Variants in XIRP2 observed in about 807,000 individuals in gnomAD.
XIRP2 encodes the protein xin actin binding repeat containing 2.
Under a neutral mutation model 277.0 loss-of-function variants are expected in XIRP2, and 236 were observed. That is an observed-to-expected ratio of 0.85 (90% confidence interval 0.77 to 0.95). XIRP2 has a LOEUF of 0.95. Ranked by LOEUF, XIRP2 falls within the 40% of genes least tolerant of loss-of-function variation. The pLI, the probability that XIRP2 is intolerant of heterozygous loss-of-function variation, is 0.00. For synonymous variants in XIRP2, 1,490 were observed against 1,416.5 expected, an observed-to-expected ratio of 1.05 and a Z score of -1.17; for missense variants, 4,640 against 4,157.5, an observed-to-expected ratio of 1.12 and a Z score of -3.19.
chr2:166,930,925 T>A (rs1685318020), intron 2 of XIRP2, among the ~76,000 whole-genome samples: 1 of 152,142 alleles, frequency 6.6e-6, no homozygotes, highest in South Asian at 2.1e-4. Flanking sequence ...GGACCTCAAT[T>A]TCCTTAGTTT....
At chr2:166,969,866 A>AT (rs1477391785) in intron 2 of XIRP2, among the ~76,000 whole-genome samples, 1 of 151,994 alleles carries the variant, frequency 6.6e-6, no homozygotes, top group Non-Finnish European at 1.5e-5. Flanking sequence ...CTCCCCCTGT[A>AT]TCCTTAAAAC....
intron 2 of XIRP2, among the ~76,000 whole-genome samples, chr2:166,950,137 T>C (rs1685989117): frequency 6.6e-6 from 1 of 152,052 alleles, no homozygotes; most frequent in Non-Finnish European, 1.5e-5. Flanking sequence ...AAGATATTAC[T>C]CTACACTGAA....
intron 2 of XIRP2, among the ~76,000 whole-genome samples, chr2:167,022,670 A>G (rs1291816755): frequency 1.3e-5 from 2 of 151,810 alleles, no homozygotes; most frequent in Non-Finnish European, 2.9e-5. Flanking sequence ...TCATTGTTCA[A>G]TTCCCACCTA....
At position 167,258,928 on chromosome 2, in the gene XIRP2, G is replaced by A. The variant is rs1203620802; in HGVS notation, c.*1111G>A. On this transcript the variant is annotated 3_prime_UTR_variant, in exon 11 of 11. Transcript: ENST00000409195. ...GAGCAGCTGCTGGCAGTCCTGTGCA[G>A]CCTGCTCCAAAACCAAGCCTCAGCA... is the stretch of plus-strand genomic sequence containing the variant. The A allele has an allele frequency of 6.2e-7, 1 of 1,613,008 alleles. No homozygotes were observed. Among genetic ancestry groups the A allele is most frequent in the African/African-American group, 1.3e-5 (1 of 74,846 alleles).
intron 2 of XIRP2, among the ~76,000 whole-genome samples, chr2:167,030,632 A>G (rs946860927): frequency 6.6e-6 from 1 of 152,116 alleles, no homozygotes; most frequent in South Asian, 2.1e-4. Flanking sequence ...ACTTTGACTT[A>G]TGTGATCAAT....
rs535581425 is a variant in XIRP2 at position 167,249,154 on chromosome 2, C to T, written c.7762C>T (p.Pro2588Ser). The T allele has an allele frequency of 3.1e-6, 5 of 1,613,572 alleles. No homozygotes were observed. The Admixed American group carries it at 6.7e-5, about 22-fold the overall frequency. ...QHITEVEKEM[P>S]LQKTNEEVSL... ...CATAACAGAGGTGGAAAAGGAAATG[C>T]CATTACAAAAAACCAATGAGGAGGT... The change falls in exon 9 of 11, where the codon CCA (proline) becomes TCA (serine). Residue 2588 changes from proline (P) to serine (S), a missense_variant. Coordinates refer to ENST00000409195, the MANE Select transcript of XIRP2 (RefSeq NM_152381.6).
intron 2 of XIRP2, among the ~76,000 whole-genome samples, chr2:167,068,560 C>T (rs942882601): frequency 6.6e-6 from 1 of 151,896 alleles, no homozygotes; most frequent in Non-Finnish European, 1.5e-5. Flanking sequence ...ATAGTAAATA[C>T]CTTAGGCTTT....
chr2:167,200,474 G>A (rs1693650814), intron 3 of XIRP2, among the ~76,000 whole-genome samples: 1 of 152,212 alleles, frequency 6.6e-6, no homozygotes, highest in African/African-American at 2.4e-5. Flanking sequence ...TGTCTCTACA[G>A]TGTAACGTGC....
intron 3 of XIRP2, among the ~76,000 whole-genome samples, chr2:167,156,914 C>T (rs1692219796): frequency 6.6e-6 from 1 of 152,112 alleles, no homozygotes; most frequent in Non-Finnish European, 1.5e-5. Flanking sequence ...AAGGATAGTT[C>T]AGTTGCCTCT....
At chr2:166,958,884 A>G (rs1053959086) in intron 2 of XIRP2, among the ~76,000 whole-genome samples, 5 of 151,768 alleles carry the variant, frequency 3.3e-5, no homozygotes, top group African/African-American at 9.7e-5. Context: ...GTATTCATGG[A>G]ATTTCAATGG....
At chr2:167,241,432 T>C (rs1157768145) in intron 7 of XIRP2, among the ~76,000 whole-genome samples, 1 of 152,322 alleles carries the variant, frequency 6.6e-6, no homozygotes, top group African/African-American at 2.4e-5. Context: ...ATAACCAACA[T>C]TTTTCTTCCT....
At chr2:167,088,009 G>T (rs184032582) in intron 2 of XIRP2, among the ~76,000 whole-genome samples, 88 of 152,226 alleles carry the variant, frequency 5.8e-4, no homozygotes, top group African/African-American at 1.8e-3. Flanking sequence ...CATAAAAGAT[G>T]ATAAGTTTGT....
chr2:167,126,174 C>T (rs1171016938), intron 2 of XIRP2, among the ~76,000 whole-genome samples: 1 of 134,196 alleles, frequency 7.5e-6, no homozygotes, highest in Non-Finnish European at 1.5e-5. Flanking sequence ...GCTCCTTGTG[C>T]GCTCTCTCTC....
Position 167,247,518 on chromosome 2 carries a change from C to T in XIRP2, c.6126C>T (p.Ser2042=), listed in dbSNP as rs1695315528. The change falls in exon 9 of 11, where the codon AGC becomes AGT. Residue 2042 remains serine (S), a synonymous_variant. Coordinates refer to ENST00000409195, the MANE Select transcript of XIRP2 (RefSeq NM_152381.6). The part of the protein sequence containing the change: ...REQNNDALEK[S]LRRLSNSHHK... ...AAAACAATGATGCTCTGGAGAAAAG[C>T]CTTAGAAGACTATCTAATTCACACC... is the stretch of plus-strand genomic sequence containing the variant. 1 of 1,613,564 alleles carries T rather than the reference C, an allele frequency of 6.2e-7. No individual in the cohort carries two copies. The highest frequency in any genetic ancestry group is 8.5e-7 in the Non-Finnish European group (1 of 1,179,788).
chr2:167,213,437 C>G (rs1559023469), intron 4 of XIRP2, among the ~76,000 whole-genome samples: 1 of 152,146 alleles, frequency 6.6e-6, no homozygotes, highest in Non-Finnish European at 1.5e-5. Context: ...AAACCAAGAA[C>G]AGTTTTTTTG....
intron 2 of XIRP2, among the ~76,000 whole-genome samples, chr2:167,073,019 A>G (rs1689473404): frequency 6.6e-6 from 1 of 152,200 alleles, no homozygotes; most frequent in Non-Finnish European, 1.5e-5. Flanking sequence ...TACAACCATG[A>G]TAGGTTTAGT....
chr2:166,968,746 T>C (rs547961546), intron 2 of XIRP2, among the ~76,000 whole-genome samples: 1 of 150,466 alleles, frequency 6.6e-6, no homozygotes, highest in Non-Finnish European at 1.5e-5. Context: ...AAAAATTTGA[T>C]TTTTTTTTCT....
Position 167,245,696 on chromosome 2 carries a change from A to G in XIRP2, c.4304A>G (p.Tyr1435Cys), listed in dbSNP as rs369935088. ...FESENFDKNN[Y>C]IRTVSVNEIQ... ...TCTGAAAATTTTGATAAGAATAACT[A>G]TATACGAACAGTAAGTGTCAATGAA... Residue 1435 changes from tyrosine to cysteine, a missense_variant, in exon 9 of 11, where the codon TAT becomes TGT. Tyr to Cys is a radical substitution (Grantham distance 194). Transcript: ENST00000409195. 46 of 1,613,658 alleles carry G rather than the reference A, an allele frequency of 2.9e-5. No homozygotes were observed. In the Admixed American group the frequency reaches 3.5e-4, roughly 12 times the overall value.
chr2:166,954,611 G>T (rs148309843), intron 2 of XIRP2, among the ~76,000 whole-genome samples: 1 of 151,836 alleles, frequency 6.6e-6, no homozygotes, highest in Non-Finnish European at 1.5e-5. Flanking sequence ...ATAAAGACAC[G>T]TGCATGCATA....
Sources: gnomAD v4.1 joint callset for allele counts (sites outside exome capture counted in the v4.1 genomes callset) on GRCh38, gnomAD v4.1.1 for gene constraint, MANE v1.5 for transcripts, NCBI Gene and HGNC (gene_info 2026-07-23, HGNC 2026-07-21) for gene names.